The following PAM variants were observed in gnomAD, a reference collection of about 807,000 sequenced individuals.
PAM encodes peptidyl-glycine alpha-amidating monooxygenase.
A neutral mutation model predicts 122.1 loss-of-function variants in PAM; 72 were observed. The observed-to-expected ratio is 0.59, with a 90% CI of 0.49 to 0.72. The LOEUF is 0.72. Ranked by LOEUF, PAM falls within the 30% of genes least tolerant of loss-of-function variation. The pLI is 0.00. For missense variants in PAM, 1,106 were observed against 1,183.7 expected, an observed-to-expected ratio of 0.93 and a Z score of 0.96; for synonymous variants, 389 against 404.4, an observed-to-expected ratio of 0.96 and a Z score of 0.46.
chr5:102,915,227 G>A (rs1377653510), intron 5 of PAM, among the ~76,000 whole-genome samples: 4 of 152,076 alleles, frequency 2.6e-5, no homozygotes, highest in African/African-American at 9.7e-5. Context: ...GTAGACTGAT[G>A]GACCTTTCTC....
intron 3 of PAM, among the ~76,000 whole-genome samples, chr5:102,898,251 C>T (rs546781758): frequency 2.2e-4 from 34 of 151,492 alleles, no homozygotes; most frequent in Non-Finnish European, 4.3e-4. Context: ...TATTATTTCT[C>T]CCTTTTTGTA....
chr5:102,759,662 G>A (rs1751747397), intron 1 of PAM, among the ~76,000 whole-genome samples: 1 of 152,102 alleles, frequency 6.6e-6, no homozygotes, highest in Non-Finnish European at 1.5e-5. Flanking sequence ...ATTCAACCTA[G>A]GGCCACCACT....
intron 1 of PAM, among the ~76,000 whole-genome samples, chr5:102,855,863 A>G (rs80008505): frequency 0.017 from 2,525 of 152,178 alleles, 66 homozygotes; most frequent in African/African-American, 0.058. Context: ...CCCTCCCTCC[A>G]TTCTATACCA....
At position 102,895,746 on chromosome 5, in the gene PAM, C is replaced by T. The variant is rs145439631; in HGVS notation, c.211-5610C>T. ...AGTATCAAATATAAGCCACTTAGCA[C>T]AGAAATATGGTGTTTGGGGTAGTCA... is the stretch of plus-strand genomic sequence containing the variant. On this transcript the variant is annotated intron_variant, in intron 3 of 25. Transcript: ENST00000438793. Among the ~76,000 whole-genome samples, 405 of 151,760 alleles carry T rather than the reference C, an allele frequency of 2.7e-3. 2 individuals carry two copies. The highest frequency in any genetic ancestry group is 8.8e-3 in the African/African-American group (365 of 41,472).
At chr5:102,921,271 G>T (rs768514632) in intron 5 of PAM, among the ~76,000 whole-genome samples, 1 of 152,052 alleles carries the variant, frequency 6.6e-6, no homozygotes, top group African/African-American at 2.4e-5. Flanking sequence ...CCAGCCTTAA[G>T]GCTCTCTTTA....
At chr5:102,944,570 T>C (rs1756412153) in intron 7 of PAM, among the ~76,000 whole-genome samples, 1 of 152,160 alleles carries the variant, frequency 6.6e-6, no homozygotes, top group Non-Finnish European at 1.5e-5. Flanking sequence ...ATGACCTCAC[T>C]GTCTTTTCTA....
At chr5:102,931,194 A>T (rs1412989058) in intron 7 of PAM, among the ~76,000 whole-genome samples, 1 of 152,236 alleles carries the variant, frequency 6.6e-6, no homozygotes. Context: ...TATGAAAAGG[A>T]CGTGGTTACT....
intron 21 of PAM, 70 bp downstream of exon 21, chr5:103,009,936 A>G (rs1012692256): frequency 2.6e-5 from 20 of 760,186 alleles, no homozygotes; most frequent in Admixed American, 5.7e-5. Context: ...TTGGCATTCA[A>G]TCTGTACTTG....
chr5:102,885,652 G>C (rs1159209052), intron 3 of PAM, among the ~76,000 whole-genome samples: 2 of 152,062 alleles, frequency 1.3e-5, no homozygotes, highest in East Asian at 3.9e-4. Context: ...TGTGGCCAGA[G>C]GTGAGGAAAT....
At position 102,892,554 on chromosome 5, in the gene PAM, T is replaced by G. The variant is rs188506955; in HGVS notation, c.211-8802T>G. 2.5e-3 allele frequency among the ~76,000 whole-genome samples: 376 copies of G among 151,992 alleles called. 3 individuals are homozygous for G. Among genetic ancestry groups the G allele is most frequent in the Middle Eastern group, 0.01 (3 of 294 alleles). ...TTTGTGATATGTCCCGATGACTGTA[T>G]GCACAATAATCCCAATAAAGAAAAG... On this transcript the variant is annotated intron_variant, in intron 3 of 25. Transcript: ENST00000438793.
chr5:102,957,403 C>A (rs1203818965), intron 12 of PAM, among the ~76,000 whole-genome samples: 1 of 152,164 alleles, frequency 6.6e-6, no homozygotes, highest in African/African-American at 2.4e-5. Context: ...GCCCCCCACC[C>A]CACCATACAG....
chr5:102,777,630 G>A (rs1325364360), intron 1 of PAM, among the ~76,000 whole-genome samples: 9 of 152,100 alleles, frequency 5.9e-5, no homozygotes. Flanking sequence ...GAATCTGTAG[G>A]TAAAATTCAC....
chr5:102,813,790 T>C (rs756487153), intron 1 of PAM, among the ~76,000 whole-genome samples: 1 of 152,152 alleles, frequency 6.6e-6, no homozygotes, highest in Non-Finnish European at 1.5e-5. Flanking sequence ...AAATAAAGGG[T>C]ACTCTTTCTG....
intron 15 of PAM, among the ~76,000 whole-genome samples, chr5:102,984,002 G>A (rs947788307): frequency 9.2e-5 from 14 of 152,112 alleles, no homozygotes; most frequent in Admixed American, 3.9e-4. Flanking sequence ...TACAACAAAT[G>A]CATAAAGAAG....
intron 1 of PAM, among the ~76,000 whole-genome samples, chr5:102,856,397 G>T (rs1580993530): frequency 1.3e-5 from 2 of 152,218 alleles, no homozygotes; most frequent in African/African-American, 4.8e-5. Flanking sequence ...GGCATCATCT[G>T]TAGTGGTTAA....
chr5:102,962,711 G>A (rs1762852247), intron 14 of PAM, among the ~76,000 whole-genome samples: 1 of 151,762 alleles, frequency 6.6e-6, no homozygotes, highest in South Asian at 2.1e-4. Flanking sequence ...CGGTATTAAA[G>A]GTTATATTTC....
intron 12 of PAM, among the ~76,000 whole-genome samples, chr5:102,957,512 G>C (rs1196131602): frequency 6.6e-6 from 1 of 151,324 alleles, no homozygotes; most frequent in African/African-American, 2.4e-5. Flanking sequence ...ATTTTTGTTT[G>C]TTTGCTTTTT....
intron 1 of PAM, among the ~76,000 whole-genome samples, chr5:102,794,645 C>G (rs1298455789): frequency 6.6e-6 from 1 of 151,896 alleles, no homozygotes; most frequent in African/African-American, 2.4e-5. Context: ...ATTCCACCAC[C>G]AAAAAATTAT....
intron 9 of PAM, among the ~76,000 whole-genome samples, 172 bp downstream of exon 9, chr5:102,948,617 G>C (rs1257185584): frequency 6.6e-6 from 1 of 152,102 alleles, no homozygotes; most frequent in African/African-American, 2.4e-5. Context: ...ATTATTCCAA[G>C]CCAGTGGTTT....
Sources: gnomAD v4.1 joint callset for allele counts (sites outside exome capture counted in the v4.1 genomes callset) on GRCh38, gnomAD v4.1.1 for gene constraint, MANE v1.5 for transcripts, NCBI Gene and HGNC (gene_info 2026-07-23, HGNC 2026-07-21) for gene names.